The following SPIDR variants were observed in gnomAD, a reference collection of about 807,000 sequenced individuals.
The protein encoded by SPIDR is scaffold protein involved in DNA repair, also known as DNA repair-scaffolding protein.
Under a neutral mutation model 104.6 loss-of-function variants are expected in SPIDR, and 93 were observed. That is an observed-to-expected ratio of 0.89 (90% CI 0.75 to 1.06). The LOEUF is 1.06. Ranked by LOEUF, SPIDR falls within the 50% of genes least tolerant of loss-of-function variation. The pLI, the probability that SPIDR is intolerant of heterozygous loss-of-function variation, is 0.00. For synonymous variants in SPIDR, 431 were observed against 416.9 expected (o/e 1.03, Z -0.41); for missense variants, 1,154 against 1,111.2 (o/e 1.04, Z -0.55).
chr8:47,364,009 G>C (rs1554632616), intron 5 of SPIDR, among the ~76,000 whole-genome samples: 1 of 152,134 alleles, frequency 6.6e-6, no homozygotes, highest in East Asian at 1.9e-4. Flanking sequence ...AGGATTCTTT[G>C]TTCTAAATAC....
intron 19 of SPIDR, chr8:47,732,814 T>C (rs1563697753): frequency 6.6e-6 from 1 of 152,500 alleles, no homozygotes; most frequent in Non-Finnish European, 1.5e-5. Context: ...TACTTGAGTG[T>C]TAAGTTTTAT....
chr8:47,540,801 TTAAG>T (rs1187893919), intron 8 of SPIDR, among the ~76,000 whole-genome samples: 1 of 152,226 alleles, frequency 6.6e-6, no homozygotes, highest in East Asian at 1.9e-4. Context: ...GAAATAACTA[TTAAG>T]TGAGTTAATG....
chr8:47,594,939 T>C (rs2154422252), intron 8 of SPIDR, among the ~76,000 whole-genome samples: 1 of 152,108 alleles, frequency 6.6e-6, no homozygotes, highest in East Asian at 1.9e-4. Flanking sequence ...GAGGTTTCAG[T>C]GAGCTGAGAC....
chr8:47,338,318 A>G (rs2050135895), intron 5 of SPIDR, among the ~76,000 whole-genome samples: 1 of 152,248 alleles, frequency 6.6e-6, no homozygotes, highest in Non-Finnish European at 1.5e-5. Context: ...TAAATTTAAC[A>G]TGACCAGAAA....
intron 8 of SPIDR, among the ~76,000 whole-genome samples, chr8:47,589,196 G>A (rs1308711446): frequency 6.6e-6 from 1 of 151,848 alleles, no homozygotes; most frequent in Admixed American, 6.6e-5. Flanking sequence ...AAAGTATCTG[G>A]ACCTGGAGAT....
chr8:47,473,961 A>T (rs1227658693), intron 8 of SPIDR, among the ~76,000 whole-genome samples: 1 of 152,152 alleles, frequency 6.6e-6, no homozygotes, highest in Non-Finnish European at 1.5e-5. Context: ...ACAGTAGGAG[A>T]GGTAGGTGGT....
intron 10 of SPIDR, among the ~76,000 whole-genome samples, chr8:47,667,137 C>T (rs1343956110): frequency 6.6e-6 from 1 of 151,752 alleles, no homozygotes. Context: ...AAAAATTAGC[C>T]GGGTGTGGTG....
intron 8 of SPIDR, among the ~76,000 whole-genome samples, chr8:47,501,937 G>A (rs1418657374): frequency 6.6e-6 from 1 of 152,080 alleles, no homozygotes; most frequent in African/African-American, 2.4e-5. Flanking sequence ...TTTATATGCT[G>A]GATTATGTTT....
intron 8 of SPIDR, among the ~76,000 whole-genome samples, chr8:47,444,553 CAT>C (rs1216013786): frequency 6.6e-6 from 1 of 152,194 alleles, no homozygotes; most frequent in East Asian, 1.9e-4. Context: ...ACTATATGGA[CAT>C]GTGGTAATTT....
upstream of SPIDR, chr8:47,260,906 G>C (rs969299840): frequency 2.5e-6 from 3 of 1,207,638 alleles, no homozygotes; most frequent in Admixed American, 1.3e-4. Flanking sequence ...GGCGCGCCGA[G>C]GTGGGACGGC....
rs552828945 is a variant in SPIDR at position 47,406,683 on chromosome 8, A to G, written c.777-1178A>G. ...ATGGAAAGATCTGTATATAGGCTGCAAGTGAAAAACATAACAAAAACAGTT... is the reference window on the plus strand; with the variant it reads ...ATGGAAAGATCTGTATATAGGCTGCGAGTGAAAAACATAACAAAAACAGTT... On this transcript the variant is annotated intron_variant, in intron 6 of 19. Transcript: ENST00000297423. Among the ~76,000 whole-genome samples the G allele has an allele frequency of 3.3e-5, 5 of 152,346 alleles. No individual in the cohort carries two copies. In the East Asian group the frequency reaches 9.6e-4, roughly 29 times the overall value.
Position 47,323,578 on chromosome 8 carries a change from C to T in SPIDR, c.525+29548C>T, listed in dbSNP as rs535092454. On this transcript the variant is annotated intron_variant, in intron 5 of 19. Coordinates refer to ENST00000297423, the MANE Select transcript of SPIDR (RefSeq NM_001080394.4). ...ATTCTACCTCTCACTGAATGCTTGGCCTTAAGCAGGTATTTAACTTTTTTT... is the reference window on the plus strand; with the variant it reads ...ATTCTACCTCTCACTGAATGCTTGGTCTTAAGCAGGTATTTAACTTTTTTT... 2.1e-4 allele frequency among the ~76,000 whole-genome samples: 32 copies of T among 152,296 alleles called. No homozygotes were observed. The East Asian group carries it at 6.0e-3, about 28-fold the overall frequency.
intron 5 of SPIDR, among the ~76,000 whole-genome samples, chr8:47,346,211 A>G (rs1281593276): frequency 6.6e-6 from 1 of 152,154 alleles, no homozygotes; most frequent in Non-Finnish European, 1.5e-5. Context: ...TTCTGCATCT[A>G]TTGAGATAAT....
chr8:47,599,602 G>C (rs1338033205), intron 10 of SPIDR, among the ~76,000 whole-genome samples: 1 of 152,170 alleles, frequency 6.6e-6, no homozygotes, highest in South Asian at 2.1e-4. Flanking sequence ...GGCTTTCAGA[G>C]AGTACTGTAT....
rs950283737 is a variant in SPIDR, at chr8:47,727,131, G to A, written c.2342-69G>A. ...AGGCCCCTCATGTTGTCCTCTGCAC[G>A]TGGAGGAGCAGAGGAGTCAGAGAGG... On this transcript the variant is annotated intron_variant, in intron 16 of 19. Transcript: ENST00000297423. The A allele has an allele frequency of 4.3e-5, 58 of 1,353,404 alleles. 1 individual carries two copies. The African/African-American group carries it at 4.9e-4, about 11-fold the overall frequency. The allele number at this position is 1,353,404 out of a possible 1,614,324, so 83.8% of individuals were successfully genotyped here.
At chr8:47,502,967 T>C (rs927960252) in intron 8 of SPIDR, among the ~76,000 whole-genome samples, 1 of 152,234 alleles carries the variant, frequency 6.6e-6, no homozygotes, top group Non-Finnish European at 1.5e-5. Flanking sequence ...TTCTTAATCC[T>C]GAGTTCTAGT....
At chr8:47,728,745 G>C in intron 17 of SPIDR, 188 bp from the exon 18 acceptor site, 2 of 584,962 alleles carry the variant, frequency 3.4e-6, no homozygotes, top group South Asian at 4.8e-5. Context: ...GCTACTCGAA[G>C]CTAATGTTCA....
At chr8:47,545,779 T>G (rs1357156405) in intron 8 of SPIDR, among the ~76,000 whole-genome samples, 2 of 152,134 alleles carry the variant, frequency 1.3e-5, no homozygotes, top group East Asian at 3.9e-4. Context: ...TTTATAGATG[T>G]TCTCTACCAA....
chr8:47,267,734 T>G (rs2034391673), intron 1 of SPIDR, among the ~76,000 whole-genome samples: 2 of 152,246 alleles, frequency 1.3e-5, no homozygotes, highest in African/African-American at 4.8e-5. Flanking sequence ...TTCTTTAAAA[T>G]TCTGTATACT....
Sources: gnomAD v4.1 joint callset for allele counts (sites outside exome capture counted in the v4.1 genomes callset) on GRCh38, gnomAD v4.1.1 for gene constraint, MANE v1.5 for transcripts, NCBI Gene and HGNC (gene_info 2026-07-23, HGNC 2026-07-21) for gene names.